Variants in ITK observed in about 807,000 individuals in gnomAD.
ITK encodes IL2 inducible T cell kinase, also known as tyrosine-protein kinase ITK/TSK.
ITK carries 45 observed loss-of-function variants against 87.6 expected under a neutral mutation model. The ratio of observed to expected loss-of-function variants is 0.51; its 90% CI spans 0.40 to 0.66. The LOEUF is 0.66. Among genes scored for constraint, ITK ranks in the 30% least tolerant of loss-of-function variants. The pLI is 0.00. For missense variants in ITK, 605 were observed against 766.3 expected (o/e 0.79, Z 2.48); for synonymous variants, 303 against 273.6 (o/e 1.11, Z -1.06).
chr5:157,195,192 T>C (rs1753829190), intron 1 of ITK: 1 of 152,212 alleles, frequency 6.6e-6, no homozygotes, highest in African/African-American at 2.4e-5. Flanking sequence ...TGAACCCACA[T>C]TTCTCTCAAT....
chr5:157,252,108 C>G (rs1410358758), intron 16 of ITK, among the ~76,000 whole-genome samples: 1 of 152,150 alleles, frequency 6.6e-6, no homozygotes, highest in Non-Finnish European at 1.5e-5. Flanking sequence ...TAGTGTCTTC[C>G]TGTCCATGAA....
intron 1 of ITK, among the ~76,000 whole-genome samples, chr5:157,207,897 T>C (rs990296943): frequency 2.8e-4 from 42 of 152,356 alleles, no homozygotes; most frequent in African/African-American, 1.0e-3. Context: ...AGATTTTAGA[T>C]GTTAAGGACT....
At chr5:157,202,140 G>T (rs56317349) in intron 1 of ITK, among the ~76,000 whole-genome samples, 2,332 of 152,232 alleles carry the variant, frequency 0.015, 66 homozygotes, top group African/African-American at 0.054. Flanking sequence ...TACCCATGTC[G>T]CTGCAAAGGA....
chr5:157,230,473 A>T (rs1327502834), intron 7 of ITK, among the ~76,000 whole-genome samples: 2 of 152,220 alleles, frequency 1.3e-5, no homozygotes, highest in Non-Finnish European at 2.9e-5. Context: ...AAATTCTAGT[A>T]GATTCTTTAG....
chr5:157,245,292 A>G, intron 13 of ITK: 1 of 253,874 alleles, frequency 3.9e-6, no homozygotes, highest in Non-Finnish European at 7.7e-6. Flanking sequence ...TCAATGCAAC[A>G]GTCTATAATA....
chr5:157,217,916 G>C lies in ITK; in HGVS notation c.495+9G>C, dbSNP rs1206380007. The C allele has an allele frequency of 3.1e-6, 5 of 1,613,190 alleles. No individual in the cohort carries two copies. The African/African-American group carries it at 4.0e-5, about 13-fold the overall frequency. ...CTCCTGAAGACAACAGGGTGAGTGA[G>C]AGCGCTAGCTCCGGGTGCAGGTGGG... On this transcript the variant is annotated intron_variant, in intron 5 of 16. Transcript: ENST00000422843.
At chr5:157,204,405 C>CA (rs1179006386) in intron 1 of ITK, among the ~76,000 whole-genome samples, 1 of 151,478 alleles carries the variant, frequency 6.6e-6, no homozygotes. Flanking sequence ...TACTAAAATA[C>CA]AAAAAAAATT....
At position 157,235,860 on chromosome 5, in the gene ITK, C is replaced by T. The variant is rs150143548; in HGVS notation, c.769-2249C>T. ...AGAAAGAAAAATACTCCTAACACAA[C>T]CAACATGTCTCAGATGGAGACTGAC... On this transcript the variant is annotated intron_variant, in intron 8 of 16. Transcript: ENST00000422843. 6.9e-3 allele frequency among the ~76,000 whole-genome samples: 1,054 copies of T among 152,324 alleles called. 6 individuals are homozygous for T. Among genetic ancestry groups the T allele is most frequent in the Non-Finnish European group, 7.8e-3 (530 of 68,034 alleles).
At chr5:157,248,744 C>A in intron 15 of ITK, 106 bp from the exon 16 acceptor site, 1 of 1,255,268 alleles carries the variant, frequency 8.0e-7, no homozygotes, top group South Asian at 1.2e-5. Context: ...CTGGAGGTAG[C>A]ACATGAATCC....
At chr5:157,202,090 G>A (rs888730046) in intron 1 of ITK, among the ~76,000 whole-genome samples, 14 of 152,158 alleles carry the variant, frequency 9.2e-5, no homozygotes, top group Admixed American at 5.9e-4. Flanking sequence ...TTGGTTTTTA[G>A]TTCCTGTGTT....
chr5:157,216,241 C>A (rs1358539829), intron 4 of ITK, among the ~76,000 whole-genome samples: 1 of 152,184 alleles, frequency 6.6e-6, no homozygotes, highest in African/African-American at 2.4e-5. Context: ...GATGAAGGCT[C>A]ACAGGATTCC....
chr5:157,244,505 C>T (rs933557092), intron 13 of ITK, 27 bp downstream of exon 13: 5 of 1,308,028 alleles, frequency 3.8e-6, no homozygotes, highest in South Asian at 1.2e-5. Flanking sequence ...TGAACACCCA[C>T]AGGTCCAGGG....
intron 16 of ITK, among the ~76,000 whole-genome samples, chr5:157,249,983 T>C (rs1165762692): frequency 6.6e-6 from 1 of 152,220 alleles, no homozygotes; most frequent in Non-Finnish European, 1.5e-5. Context: ...AGAGTTCTCA[T>C]ATGCCCACCT....
intron 1 of ITK, among the ~76,000 whole-genome samples, chr5:157,185,107 T>A (rs553510146): frequency 1.3e-5 from 2 of 152,262 alleles, no homozygotes; most frequent in South Asian, 4.1e-4. Flanking sequence ...TTTCCTTGCT[T>A]TTGAAAGCAT....
At chr5:157,213,156 G>A (rs1029356082) in intron 3 of ITK, among the ~76,000 whole-genome samples, 2 of 152,324 alleles carry the variant, frequency 1.3e-5, no homozygotes, top group Admixed American at 6.5e-5. Flanking sequence ...GGAAGGTGAA[G>A]GGGAGGCAAT....
intron 9 of ITK, 126 bp downstream of exon 9, chr5:157,238,317 C>T (rs1487055692): frequency 1.8e-5 from 14 of 759,352 alleles, no homozygotes; most frequent in Non-Finnish European, 3.0e-5. Context: ...TCTGTTTTCC[C>T]TCTTTACTCC....
At position 157,222,907 on chromosome 5, in the gene ITK, T is replaced by A; in HGVS notation, c.540T>A (p.Tyr180Ter). Residue 180 changes from tyrosine (Y) to a stop codon, truncating the protein, a stop_gained, in exon 6 of 17, where the codon TAT becomes TAA. Coordinates refer to ENST00000422843, the MANE Select transcript of ITK (RefSeq NM_005546.4). LOFTEE classifies it high-confidence loss of function. The stretch of plus-strand genomic sequence containing the variant: ...AAGAAACTGTGGTCATTGCCTTATA[T>A]GACTACCAAACCAATGATCCTCAGG... ...EPEETVVIAL[Y>*]DYQTNDPQEL... 6.2e-7 allele frequency: 1 copy of A among 1,614,092 alleles called. No homozygotes were observed. The highest frequency in any genetic ancestry group is 8.5e-7 in the Non-Finnish European group (1 of 1,179,998).
At chr5:157,207,361 G>A (rs1161380373) in intron 1 of ITK, among the ~76,000 whole-genome samples, 2 of 132,342 alleles carry the variant, frequency 1.5e-5, no homozygotes, top group African/African-American at 2.8e-5. Context: ...GCTTTATCAC[G>A]TATCTAGATA....
chr5:157,235,809 G>C (rs989974342), intron 8 of ITK, among the ~76,000 whole-genome samples: 1 of 152,078 alleles, frequency 6.6e-6, no homozygotes, highest in African/African-American at 2.4e-5. Flanking sequence ...CTTCTGAAAG[G>C]TCACCTTCAA....
Sources: allele counts gnomAD v4.1 joint callset (sites outside exome capture counted in the v4.1 genomes callset), GRCh38; gene constraint gnomAD v4.1.1; transcripts MANE v1.5; gene names NCBI Gene and HGNC (gene_info 2026-07-23, HGNC 2026-07-21).